Variants in NFIB observed in about 807,000 individuals in gnomAD.
The protein encoded by NFIB is nuclear factor I B.
A neutral mutation model predicts 61.5 loss-of-function variants in NFIB; 11 were observed. The observed-to-expected ratio is 0.18, with a 90% CI of 0.11 to 0.30. The LOEUF (loss-of-function observed/expected upper bound fraction) is 0.30, where lower values mean the gene tolerates loss of function less well. NFIB is among the 10% of genes least tolerant of loss of function. NFIB has a pLI of 1.00. For synonymous variants in NFIB, 260 were observed against 216.5 expected (o/e 1.20, Z -1.76); for missense variants, 471 against 608.9 (o/e 0.77, Z 2.38).
chr9:14,357,682 C>T (rs2061192352), intron 1 of NFIB: 1 of 152,146 alleles, frequency 6.6e-6, no homozygotes, highest in South Asian at 2.1e-4. Flanking sequence ...ACGTAAAAAC[C>T]TGTAAATGAA....
At chr9:14,111,638 A>G (rs1017361293) in intron 10 of NFIB, among the ~76,000 whole-genome samples, 12 of 152,216 alleles carry the variant, frequency 7.9e-5, no homozygotes, top group African/African-American at 2.9e-4. Flanking sequence ...TCTAGTAATT[A>G]TAACTCATTT....
chr9:14,127,374 G>C (rs2039806437), intron 6 of NFIB, among the ~76,000 whole-genome samples: 1 of 152,126 alleles, frequency 6.6e-6, no homozygotes, highest in African/African-American at 2.4e-5. Context: ...GTATTCACAA[G>C]TAGACAGAAT....
chr9:14,172,911 A>G (rs2045730836), intron 3 of NFIB, among the ~76,000 whole-genome samples: 1 of 152,136 alleles, frequency 6.6e-6, no homozygotes, highest in Admixed American at 6.5e-5. Flanking sequence ...CTGGGACTAC[A>G]GGCAAGTGCC....
At chr9:14,327,712 T>TG (rs559901483) in intron 1 of NFIB, among the ~76,000 whole-genome samples, 117 of 152,338 alleles carry the variant, frequency 7.7e-4, no homozygotes, top group African/African-American at 2.7e-3. Context: ...AAGCAGCTGA[T>TG]GTGGGCTTGT....
the NFIB span, among the ~76,000 whole-genome samples, chr9:14,419,870 C>A: frequency 5.3e-5 from 8 of 152,164 alleles, no homozygotes; most frequent in Non-Finnish European, 1.2e-4. Flanking sequence ...AAAACATGAA[C>A]CTGAGCTTGT....
At chr9:14,222,806 A>AAAAAAAAAC (rs1253170447) in intron 2 of NFIB, among the ~76,000 whole-genome samples, 2 of 150,520 alleles carry the variant, frequency 1.3e-5, no homozygotes, top group African/African-American at 4.9e-5. Flanking sequence ...AAAAAAAAAA[A>AAAAAAAAAC]AAAGAAAGAA....
intron 2 of NFIB, among the ~76,000 whole-genome samples, chr9:14,193,739 A>G (rs1228147440): frequency 7.9e-5 from 12 of 152,218 alleles, no homozygotes; most frequent in Non-Finnish European, 2.9e-5. Context: ...AAACTTTAGA[A>G]TCACATATGC....
At chr9:14,107,196 T>A (rs1319841944) in intron 10 of NFIB, among the ~76,000 whole-genome samples, 1 of 151,950 alleles carries the variant, frequency 6.6e-6, no homozygotes, top group African/African-American at 2.4e-5. Flanking sequence ...ATTAATTACC[T>A]ACATGGAGCA....
intron 2 of NFIB, among the ~76,000 whole-genome samples, chr9:14,225,438 C>CA: frequency 9.6e-6 from 1 of 104,614 alleles, no homozygotes; most frequent in Non-Finnish European, 1.8e-5. Flanking sequence ...GCCTGGGCGA[C>CA]AGAGCGAGAC....
chr9:14,403,073 A>T (rs1371227135), upstream of NFIB, among the ~76,000 whole-genome samples: 1 of 152,218 alleles, frequency 6.6e-6, no homozygotes, highest in Non-Finnish European at 1.5e-5. Context: ...GCCGACATGT[A>T]CAGACTCTCC....
intron 1 of NFIB, among the ~76,000 whole-genome samples, chr9:14,374,685 G>A (rs890479241): frequency 6.6e-6 from 1 of 152,226 alleles, no homozygotes; most frequent in African/African-American, 2.4e-5. Flanking sequence ...TGAAGCGGGT[G>A]GATCACTTGC....
intron 2 of NFIB, among the ~76,000 whole-genome samples, chr9:14,188,554 T>C (rs1027065305): frequency 3.9e-5 from 6 of 152,236 alleles, no homozygotes; most frequent in Admixed American, 6.5e-5. Flanking sequence ...AAGCAAAACA[T>C]TTCCAGCTGT....
chr9:14,273,094 C>T (rs1202206375), intron 2 of NFIB, among the ~76,000 whole-genome samples: 1 of 152,134 alleles, frequency 6.6e-6, no homozygotes, highest in Admixed American at 6.6e-5. Flanking sequence ...AAGAAGATCA[C>T]TCATTAACGA....
the NFIB span, among the ~76,000 whole-genome samples, chr9:14,438,755 G>C: frequency 1.3e-5 from 2 of 152,150 alleles, no homozygotes; most frequent in Non-Finnish European, 2.9e-5. Context: ...CTCGTGAGCG[G>C]GGGCTGATCC....
chr9:14,084,633 A>G lies in NFIB; in HGVS notation c.*3676T>C. On this transcript the variant is annotated 3_prime_UTR_variant, in exon 11 of 11. Coordinates refer to ENST00000380953, the MANE Select transcript of NFIB (RefSeq NM_001190737.2). ...CACAAAGGCTGAACAGTGCCACGGAACTGATGGTTGGAGACACCACTCCCT... is the reference window on the plus strand; with the variant it reads ...CACAAAGGCTGAACAGTGCCACGGAGCTGATGGTTGGAGACACCACTCCCT... 1 of 229,022 alleles carries G rather than the reference A, an allele frequency of 4.4e-6. No individual in the cohort carries two copies. The highest frequency in any genetic ancestry group is 8.7e-6 in the Non-Finnish European group (1 of 115,210). 14.2% of individuals were successfully genotyped at this position (229,022 alleles called of 1,614,324 possible).
chr9:14,503,973 T>G, the NFIB span, among the ~76,000 whole-genome samples: 168 of 152,334 alleles, frequency 1.1e-3, 1 homozygote, highest in African/African-American at 3.7e-3. Flanking sequence ...TTTAAGTCTT[T>G]GATCCATCTT....
At chr9:14,218,624 G>T (rs2051236943) in intron 2 of NFIB, among the ~76,000 whole-genome samples, 1 of 152,128 alleles carries the variant, frequency 6.6e-6, no homozygotes, top group Non-Finnish European at 1.5e-5. Context: ...GTGTATTTTG[G>T]TATCTGGATT....
intron 2 of NFIB, among the ~76,000 whole-genome samples, chr9:14,289,556 T>TA (rs1257018689): frequency 6.6e-6 from 1 of 151,572 alleles, no homozygotes; most frequent in African/African-American, 2.4e-5. Context: ...TATAGATAGA[T>TA]AGATATACAC....
chr9:14,315,369 T>G (rs2060493719), upstream of NFIB, among the ~76,000 whole-genome samples: 1 of 150,304 alleles, frequency 6.7e-6, no homozygotes, highest in Non-Finnish European at 1.5e-5. Flanking sequence ...CGCCGCCGCC[T>G]CTTGCTCCCT....
Sources: allele counts gnomAD v4.1 joint callset (sites outside exome capture counted in the v4.1 genomes callset), GRCh38; gene constraint gnomAD v4.1.1; transcripts MANE v1.5; gene names NCBI Gene and HGNC (gene_info 2026-07-23, HGNC 2026-07-21).